PLAC1: variants seen among roughly 807,000 people sequenced by gnomAD.
PLAC1 encodes the protein placenta-specific protein 1.
For synonymous variants in PLAC1, 68 were observed against 62.1 expected (o/e 1.09, Z -0.44); for missense variants, 136 against 163.2 (o/e 0.83, Z 0.91).
intron 1 of PLAC1, among the ~76,000 whole-genome samples, chrX:134,762,570 C>T (rs1346924615): frequency 9.0e-6 from 1 of 110,761 alleles, no homozygotes; most frequent in Non-Finnish European, 1.9e-5. Context: ...CACCTGTAAT[C>T]CCAGCACTTT....
intron 2 of PLAC1, among the ~76,000 whole-genome samples, chrX:134,678,610 A>G (rs1285635631): frequency 1.8e-5 from 2 of 111,620 alleles, no homozygotes; most frequent in African/African-American, 3.3e-5. Context: ...TTTATTGTCT[A>G]TCTATCTTCT....
chrX:134,573,351 T>G (rs1219150334), intron 2 of PLAC1, among the ~76,000 whole-genome samples: 1 of 112,092 alleles, frequency 8.9e-6, no homozygotes, highest in African/African-American at 3.2e-5. Flanking sequence ...TTCAGAAAAC[T>G]ACACCCTTTT....
chrX:134,589,918 G>A lies in PLAC1; in HGVS notation c.-59+12133C>T, dbSNP rs373458069. ...GAGAGAAAATAAATACAAATGGGCC[G>A]GGCGCGGTGGCTCACGCCTGTAATC... On this transcript the variant is annotated intron_variant, in intron 2 of 2. Coordinates refer to ENST00000359237, the MANE Select transcript of PLAC1 (RefSeq NM_021796.4). Among the ~76,000 whole-genome samples, 88 of 110,445 alleles carry A rather than the reference G, an allele frequency of 8.0e-4. 1 individual carries two copies. Among genetic ancestry groups the A allele is most frequent in the East Asian group, 4.9e-3 (17 of 3,471 alleles).
chrX:134,762,721 G>A (rs1490927224), intron 1 of PLAC1, among the ~76,000 whole-genome samples: 1 of 104,963 alleles, frequency 9.5e-6, no homozygotes, highest in African/African-American at 3.5e-5. Context: ...CCAGCTACTC[G>A]GGAAGCAGGA....
In PLAC1 at chrX:134,721,434, T is replaced by C. The variant is rs185406969; in HGVS notation, n.174+12001A>G. Among the ~76,000 whole-genome samples the C allele has an allele frequency of 3.5e-4, 39 of 110,590 alleles. No individual in the cohort carries two copies. The Admixed American group carries it at 3.7e-3, about 10-fold the overall frequency. ...AAAAAAAAATTAAAAAATTAGCCAG[T>C]ATGGTGGCACACACCTTGTAGTCCC... On this transcript the variant is annotated intron_variant and non_coding_transcript_variant, in intron 2 of 2. Transcript: ENST00000466797.
chrX:134,763,300 C>G (rs1015598747), intron 1 of PLAC1, among the ~76,000 whole-genome samples: 2 of 111,901 alleles, frequency 1.8e-5, no homozygotes, highest in Admixed American at 1.9e-4. Context: ...TCCTCTTGCC[C>G]AAAGAAGGCA....
At chrX:134,578,515 CTTTTTTTTTT>C (rs766626696) in intron 2 of PLAC1, among the ~76,000 whole-genome samples, 2 of 55,976 alleles carry the variant, frequency 3.6e-5, no homozygotes, top group Non-Finnish European at 6.0e-5. Context: ...TTCTTTCTTT[CTTTTTTTTTT>C]TTTTTTTTTT....
chrX:134,608,274 A>G (rs1440546124), intron 1 of PLAC1, among the ~76,000 whole-genome samples: 4 of 112,191 alleles, frequency 3.6e-5, no homozygotes, highest in African/African-American at 1.3e-4. Flanking sequence ...GGTTGAAACA[A>G]TCCAAATGTT....
intron 2 of PLAC1, among the ~76,000 whole-genome samples, chrX:134,670,638 C>T (rs765462763): frequency 1.8e-5 from 2 of 111,679 alleles, no homozygotes; most frequent in South Asian, 7.6e-4. Context: ...TCTGACTGGC[C>T]TCCATGGAAC....
intron 1 of PLAC1, among the ~76,000 whole-genome samples, chrX:134,620,587 G>A (rs1275410693): frequency 8.9e-6 from 1 of 111,855 alleles, no homozygotes; most frequent in Non-Finnish European, 1.9e-5. Flanking sequence ...AGCACTGCAT[G>A]CGGAGCCCCT....
intron 1 of PLAC1, among the ~76,000 whole-genome samples, chrX:134,752,099 A>G (rs73568726): frequency 0.14 from 15,332 of 111,843 alleles, 2,592 homozygotes; most frequent in African/African-American, 0.47. Flanking sequence ...GGGGGCAGAA[A>G]CAAAGGCTGC....
intron 2 of PLAC1, among the ~76,000 whole-genome samples, chrX:134,695,636 G>A (rs1015939666): frequency 8.9e-6 from 1 of 112,322 alleles, no homozygotes; most frequent in African/African-American, 3.2e-5. Context: ...TGACCATGGA[G>A]GAAAGTAAAA....
intron 2 of PLAC1, among the ~76,000 whole-genome samples, chrX:134,683,233 A>G (rs150620554): frequency 8.7e-4 from 96 of 110,547 alleles, no homozygotes; most frequent in Non-Finnish European, 1.6e-3. Context: ...GAGCAATAAA[A>G]TGAGATTTGG....
At chrX:134,756,467 T>A (rs2078757464) in intron 1 of PLAC1, among the ~76,000 whole-genome samples, 1 of 110,795 alleles carries the variant, frequency 9.0e-6, no homozygotes, top group African/African-American at 3.3e-5. Context: ...GGGACCAAAT[T>A]ACCTTTTTGT....
intron 2 of PLAC1, among the ~76,000 whole-genome samples, chrX:134,664,027 C>T (rs2078427245): frequency 8.9e-6 from 1 of 111,828 alleles, no homozygotes; most frequent in Non-Finnish European, 1.9e-5. Context: ...TAAGTCATAC[C>T]AAGGACACAG....
chrX:134,646,992 G>A (rs1009055840), intron 1 of PLAC1, among the ~76,000 whole-genome samples: 2 of 111,988 alleles, frequency 1.8e-5, no homozygotes, highest in South Asian at 3.7e-4. Flanking sequence ...GCATGCATAC[G>A]TACCTCCTTA....
intron 2 of PLAC1, among the ~76,000 whole-genome samples, chrX:134,572,377 T>C (rs1243331899): frequency 8.9e-6 from 1 of 112,067 alleles, no homozygotes; most frequent in Non-Finnish European, 1.9e-5. Context: ...ATGTTGAAAG[T>C]ACATTAAAGC....
intron 2 of PLAC1, among the ~76,000 whole-genome samples, chrX:134,569,166 T>C (rs1440077505): frequency 9.0e-6 from 1 of 111,291 alleles, no homozygotes; most frequent in Admixed American, 9.6e-5. Flanking sequence ...CCCTCAAGCA[T>C]CTTTCCTGTA....
At chrX:134,568,508 G>A (rs1214061071) in intron 2 of PLAC1, among the ~76,000 whole-genome samples, 1 of 111,931 alleles carries the variant, frequency 8.9e-6, no homozygotes, top group African/African-American at 3.2e-5. Context: ...TCACTCTGCC[G>A]TTAATGATTC....
Sources: gnomAD v4.1 joint callset for allele counts (sites outside exome capture counted in the v4.1 genomes callset) on GRCh38, gnomAD v4.1.1 for gene constraint, MANE v1.5 for transcripts, NCBI Gene and HGNC (gene_info 2026-07-23, HGNC 2026-07-21) for gene names.